PRDM2: variants seen among roughly 807,000 people sequenced by gnomAD.
PRDM2 encodes the protein PR domain zinc finger protein 2.
A neutral mutation model predicts 130.0 loss-of-function variants in PRDM2; 30 were observed. The observed-to-expected ratio is 0.23, with a 90% CI of 0.17 to 0.31. The LOEUF (loss-of-function observed/expected upper bound fraction) is 0.31. Ranked by LOEUF, PRDM2 falls within the 10% of genes least tolerant of loss-of-function variation. The pLI is 1.00. For synonymous variants in PRDM2, 871 were observed against 782.4 expected, an observed-to-expected ratio of 1.11 and a Z score of -1.89; for missense variants, 2,011 against 2,108.4, an observed-to-expected ratio of 0.95 and a Z score of 0.90.
intron 1 of PRDM2, among the ~76,000 whole-genome samples, chr1:13,702,137 G>C (rs1240133328): frequency 3.3e-5 from 5 of 152,020 alleles, no homozygotes; most frequent in Admixed American, 3.3e-4. Context: ...TCTTGGTGTG[G>C]ATATGCGTAT....
chr1:13,778,878 G>C lies in PRDM2; in HGVS notation c.1083G>C (p.Pro361=), dbSNP rs111299819. ...ATGTATTTGAAACGTTTATGTTTCC[G>C]TGTCAACATTGTGAAAGGAAGTTTA... ...NGDVFETFMF[P]CQHCERKFTT... The change falls in exon 8 of 10, where the codon CCG becomes CCC. Residue 361 remains proline (P), a synonymous_variant. Coordinates refer to ENST00000311066, the MANE Select transcript of PRDM2 (RefSeq NM_001393986.1). The C allele has an allele frequency of 9.2e-4, 1,487 of 1,614,202 alleles. 16 individuals are homozygous for C. The African/African-American group carries it at 0.018, about 19-fold the overall frequency.
intron 6 of PRDM2, among the ~76,000 whole-genome samples, chr1:13,769,351 AAG>A (rs1170238911): frequency 1.3e-5 from 2 of 152,206 alleles, no homozygotes; most frequent in Non-Finnish European, 2.9e-5. Context: ...GTACTGGTTT[AAG>A]GAAATGTAGC....
At chr1:13,709,376 T>C (rs1642300836) in intron 1 of PRDM2, among the ~76,000 whole-genome samples, 1 of 152,226 alleles carries the variant, frequency 6.6e-6, no homozygotes, top group African/African-American at 2.4e-5. Flanking sequence ...GAATTGTGCG[T>C]GGTAGTTTTC....
rs576235230 is a variant in PRDM2, at chr1:13,807,065, T to A, written c.5037-9362T>A. On this transcript the variant is annotated intron_variant, in intron 8 of 9. Transcript: ENST00000311066. ...TTTCATTTTCTCTTGTATATTTCAG[T>A]GTGTCTGGATTTCTCCCTTATCCAA... Among the ~76,000 whole-genome samples, 29 of 152,316 alleles carry A rather than the reference T, an allele frequency of 1.9e-4. 1 individual carries two copies. The highest frequency in any genetic ancestry group is 6.5e-4 in the Admixed American group (10 of 15,306).
At chr1:13,728,792 G>C (rs1643007921) in intron 2 of PRDM2, among the ~76,000 whole-genome samples, 1 of 151,946 alleles carries the variant, frequency 6.6e-6, no homozygotes, top group South Asian at 2.1e-4. Context: ...TTTTCCCATG[G>C]CTTCTCTGCT....
At chr1:13,794,943 TCCTCTGTGGA>T (rs1173790201) in intron 8 of PRDM2, among the ~76,000 whole-genome samples, 1 of 152,188 alleles carries the variant, frequency 6.6e-6, no homozygotes, top group Non-Finnish European at 1.5e-5. Context: ...CCAGAGCTGT[TCCTCTGTGGA>T]CCAGAGCTGC....
At chr1:13,785,288 A>G (rs192379163) in intron 8 of PRDM2, among the ~76,000 whole-genome samples, 6 of 151,970 alleles carry the variant, frequency 3.9e-5, no homozygotes, top group Non-Finnish European at 7.4e-5. Context: ...ACTCACTTTC[A>G]CTCTGTTTGC....
At chr1:13,793,271 G>A (rs760445049) in intron 8 of PRDM2, among the ~76,000 whole-genome samples, 1 of 152,262 alleles carries the variant, frequency 6.6e-6, no homozygotes, top group Non-Finnish European at 1.5e-5. Flanking sequence ...ACAGAAGGCA[G>A]CATGTGTTCC....
In PRDM2 at chr1:13,782,848, G is replaced by A. The variant is rs757902435; in HGVS notation, c.5036+17G>A. On this transcript the variant is annotated intron_variant, in intron 8 of 9. Transcript: ENST00000311066. ...GGACTTCAGGTAAGCTCAGGAGCTG[G>A]TGGGAGGGAAAGACCGGGAAGGCGA... 3.1e-6 allele frequency: 5 copies of A among 1,609,082 alleles called. No individual in the cohort carries two copies. Among genetic ancestry groups the A allele is most frequent in the South Asian group, 1.1e-5 (1 of 90,946 alleles).
intron 4 of PRDM2, among the ~76,000 whole-genome samples, chr1:13,734,793 A>G (rs1370023253): frequency 6.6e-6 from 1 of 152,240 alleles, no homozygotes; most frequent in African/African-American, 2.4e-5. Context: ...TACAAAATAT[A>G]CATCTGATAT....
intron 8 of PRDM2, among the ~76,000 whole-genome samples, chr1:13,805,764 G>T (rs373287259): frequency 1.3e-5 from 2 of 152,210 alleles, no homozygotes; most frequent in Admixed American, 1.3e-4. Context: ...TGTCCCAGGA[G>T]ATCCCTCCTG....
intron 6 of PRDM2, among the ~76,000 whole-genome samples, chr1:13,754,466 CA>C (rs1643903182): frequency 6.6e-6 from 1 of 152,240 alleles, no homozygotes. Flanking sequence ...ATGAGTGTCA[CA>C]GTCAGAATTT....
At chr1:13,787,204 A>T (rs1024266840) in intron 8 of PRDM2, 2 of 983,660 alleles carry the variant, frequency 2.0e-6, no homozygotes, top group African/African-American at 3.5e-5. Context: ...CTTATCTGGC[A>T]CTAATTTATA....
chr1:13,810,654 C>T (rs1308778827), intron 8 of PRDM2, among the ~76,000 whole-genome samples: 1 of 151,978 alleles, frequency 6.6e-6, no homozygotes, highest in Non-Finnish European at 1.5e-5. Flanking sequence ...GCCACCACAC[C>T]CGGCTAATTT....
rs1339681882 is a variant in PRDM2, at chr1:13,803,346, C to T, written c.5037-13081C>T. Among the ~76,000 whole-genome samples the T allele has an allele frequency of 6.6e-6, 1 of 152,122 alleles. No homozygotes were observed. The highest frequency in any genetic ancestry group is 1.9e-4 in the East Asian group (1 of 5,186). The stretch of plus-strand genomic sequence containing the variant: ...CTGAGCACCAGCCTTTGCTAGGCCC[C>T]GTGGCAGGTTCGATGGGTGAGAAGT... On this transcript the variant is annotated intron_variant, in intron 8 of 9. Transcript: ENST00000311066. The surrounding 1 kb of genome is among the most constrained non-coding windows in gnomAD (Gnocchi z 6.2).
intron 7 of PRDM2, among the ~76,000 whole-genome samples, chr1:13,776,002 G>GC (rs1258574197): frequency 1.3e-5 from 2 of 152,066 alleles, no homozygotes; most frequent in African/African-American, 4.8e-5. Flanking sequence ...TTTTCTGCTT[G>GC]CTTTTCCTCT....
intron 8 of PRDM2, among the ~76,000 whole-genome samples, chr1:13,785,225 T>G (rs1334652971): frequency 6.6e-6 from 1 of 152,180 alleles, no homozygotes; most frequent in Non-Finnish European, 1.5e-5. Flanking sequence ...AAATTTCGTG[T>G]AGGGATGATT....
chr1:13,756,087 TA>T (rs576617549), intron 6 of PRDM2, among the ~76,000 whole-genome samples: 2,071 of 132,888 alleles, frequency 0.016, 8 homozygotes, highest in South Asian at 0.046. Context: ...CTGTCTCTTC[TA>T]AAAAAAAAAA....
chr1:13,727,797 A>T (rs1474965051), intron 2 of PRDM2, among the ~76,000 whole-genome samples: 1 of 152,246 alleles, frequency 6.6e-6, no homozygotes, highest in Non-Finnish European at 1.5e-5. Context: ...AGACAAGATC[A>T]ATCTGGGAAA....
Sources: gnomAD v4.1 joint callset for allele counts (sites outside exome capture counted in the v4.1 genomes callset) on GRCh38, gnomAD v4.1.1 for gene constraint, Gnocchi (gnomAD v3.1) non-coding constraint, MANE v1.5 for transcripts, NCBI Gene and HGNC (gene_info 2026-07-23, HGNC 2026-07-21) for gene names.